The following TMEM131L variants were observed in gnomAD, a reference collection of about 807,000 sequenced individuals.
The protein encoded by TMEM131L is transmembrane 131 like, also known as transmembrane protein 131-like.
A neutral mutation model predicts 192.2 loss-of-function variants in TMEM131L; 54 were observed. That is an observed-to-expected ratio of 0.28 (90% CI 0.23 to 0.35). TMEM131L has a LOEUF of 0.35. TMEM131L is among the 10% of genes least tolerant of loss of function. The pLI, the probability that TMEM131L is intolerant of heterozygous loss-of-function variation, is 1.00. For missense variants in TMEM131L, 1,888 were observed against 1,972.9 expected (o/e 0.96, Z 0.82); for synonymous variants, 701 against 704.9 (o/e 0.99, Z 0.09).
intron 30 of TMEM131L, among the ~76,000 whole-genome samples, chr4:153,626,466 A>G (rs528191257): frequency 1.5e-3 from 224 of 152,232 alleles, no homozygotes; most frequent in African/African-American, 4.8e-3. Flanking sequence ...AAAATACCTA[A>G]GTTTTGAGGC....
intron 3 of TMEM131L, among the ~76,000 whole-genome samples, chr4:153,506,617 G>C (rs539051640): frequency 2.0e-5 from 3 of 152,072 alleles, no homozygotes; most frequent in African/African-American, 4.8e-5. Flanking sequence ...CCAAGGGGGG[G>C]ACTCATCTGA....
intron 4 of TMEM131L, among the ~76,000 whole-genome samples, chr4:153,552,271 A>G (rs1486978213): frequency 6.6e-6 from 1 of 152,186 alleles, no homozygotes; most frequent in African/African-American, 2.4e-5. Context: ...TTTAAAGAAT[A>G]TATGTTATAG....
chr4:153,602,002 A>G (rs142722540), intron 21 of TMEM131L, 150 bp from the exon 22 acceptor site: 52 of 514,300 alleles, frequency 1.0e-4, no homozygotes, highest in African/African-American at 9.5e-4. Context: ...ATTAGGTAGA[A>G]ATCATTCTTT....
intron 3 of TMEM131L, among the ~76,000 whole-genome samples, chr4:153,478,831 A>G (rs527237401): frequency 1.6e-4 from 24 of 152,272 alleles, no homozygotes; most frequent in African/African-American, 5.8e-4. Flanking sequence ...TTCAAATTTT[A>G]TTATGATTTT....
intron 15 of TMEM131L, 35 bp downstream of exon 15, chr4:153,587,846 C>T: frequency 6.9e-7 from 1 of 1,440,276 alleles, no homozygotes; most frequent in Non-Finnish European, 9.8e-7. Context: ...CTGTAGATCT[C>T]TAGTTTGGGG....
chr4:153,592,637 A>C, intron 18 of TMEM131L, 53 bp downstream of exon 18: 1 of 1,165,908 alleles, frequency 8.6e-7, no homozygotes, highest in South Asian at 1.2e-5. Flanking sequence ...GGGAAGACTT[A>C]GAATTACTTA....
At chr4:153,466,628 G>A in intron 1 of TMEM131L, 107 bp downstream of exon 1, 1 of 1,090,732 alleles carries the variant, frequency 9.2e-7, no homozygotes, top group African/African-American at 1.6e-5. Context: ...AAAGGGAAAG[G>A]GGCAGGAGGA....
At chr4:153,568,632 T>C (rs1729383981) in intron 7 of TMEM131L, among the ~76,000 whole-genome samples, 1 of 152,286 alleles carries the variant, frequency 6.6e-6, no homozygotes, top group Non-Finnish European at 1.5e-5. Flanking sequence ...AAATCAATGA[T>C]TGACAACTGG....
At chr4:153,503,527 G>T (rs985122503) in intron 3 of TMEM131L, among the ~76,000 whole-genome samples, 2 of 152,114 alleles carry the variant, frequency 1.3e-5, no homozygotes, top group African/African-American at 2.4e-5. Context: ...GAAAAAACCT[G>T]TTAGGATATA....
At chr4:153,569,826 T>A (rs1368242916) in intron 7 of TMEM131L, among the ~76,000 whole-genome samples, 1 of 152,200 alleles carries the variant, frequency 6.6e-6, no homozygotes, top group Non-Finnish European at 1.5e-5. Context: ...ACTTAACTTT[T>A]AAAAAGAACC....
chr4:153,565,222 T>C (rs1729113607), intron 7 of TMEM131L, among the ~76,000 whole-genome samples: 1 of 152,224 alleles, frequency 6.6e-6, no homozygotes, highest in Non-Finnish European at 1.5e-5. Context: ...TATTATAATC[T>C]CTATCAATTT....
chr4:153,548,760 G>A (rs985363146), intron 3 of TMEM131L, among the ~76,000 whole-genome samples: 1 of 152,128 alleles, frequency 6.6e-6, no homozygotes. Flanking sequence ...TGTGAGACAA[G>A]GACTTTGGAA....
intron 11 of TMEM131L, among the ~76,000 whole-genome samples, 194 bp from the exon 12 acceptor site, chr4:153,584,641 G>A (rs1009793731): frequency 6.6e-6 from 1 of 152,148 alleles, no homozygotes; most frequent in African/African-American, 2.4e-5. Flanking sequence ...TTAAAAGTAT[G>A]GACTTCTGGA....
At chr4:153,560,227 A>G (rs1728761602) in intron 7 of TMEM131L, among the ~76,000 whole-genome samples, 1 of 152,192 alleles carries the variant, frequency 6.6e-6, no homozygotes, top group South Asian at 2.1e-4. Flanking sequence ...TGGAAGCTCC[A>G]TGAGAACAGG....
At chr4:153,593,476 A>AC (rs1176775166) in intron 18 of TMEM131L, among the ~76,000 whole-genome samples, 1 of 152,000 alleles carries the variant, frequency 6.6e-6, no homozygotes, top group Non-Finnish European at 1.5e-5. Flanking sequence ...GTTGAGAGTC[A>AC]CTTTTTTTTT....
In TMEM131L at chr4:153,602,325, G is replaced by T; in HGVS notation, c.2440G>T (p.Asp814Tyr). ...QFSLDPNTSRDISIVFTPDFT... is the reference protein window; with the variant it reads ...QFSLDPNTSRYISIVFTPDFT... ...TTCCCTGGACCCAAACACATCCCGCGATATCAGCATTGTGTAAGCATTGGG... is the reference window on the plus strand; with the variant it reads ...TTCCCTGGACCCAAACACATCCCGCTATATCAGCATTGTGTAAGCATTGGG... Residue 814 changes from aspartate to tyrosine, a missense_variant, in exon 22 of 35, where the codon GAT becomes TAT. Transcript: ENST00000409959. 1 of 1,613,352 alleles carries T rather than the reference G, an allele frequency of 6.2e-7. No homozygotes were observed. The highest frequency in any genetic ancestry group is 8.5e-7 in the Non-Finnish European group (1 of 1,179,864).
At chr4:153,558,160 T>C (rs910043837) in intron 6 of TMEM131L, 98 bp from the exon 7 acceptor site, 1 of 596,016 alleles carries the variant, frequency 1.7e-6, no homozygotes, top group Non-Finnish European at 3.1e-6. Context: ...AAGGCCATGC[T>C]GATGAATACA....
chr4:153,562,072 C>G (rs1181477750), intron 7 of TMEM131L, among the ~76,000 whole-genome samples: 1 of 148,162 alleles, frequency 6.7e-6, no homozygotes, highest in East Asian at 2.0e-4. Flanking sequence ...GAGTCTTGCT[C>G]TATTGCCTAG....
chr4:153,544,041 A>G (rs1460055975), intron 3 of TMEM131L, among the ~76,000 whole-genome samples: 20 of 151,340 alleles, frequency 1.3e-4, no homozygotes, highest in Admixed American at 1.3e-3. Flanking sequence ...TGTCCATGCA[A>G]CCTTTTGCCA....
Sources: allele counts gnomAD v4.1 joint callset (sites outside exome capture counted in the v4.1 genomes callset), GRCh38; gene constraint gnomAD v4.1.1; transcripts MANE v1.5; gene names NCBI Gene and HGNC (gene_info 2026-07-23, HGNC 2026-07-21).